CDK14: variants seen among roughly 807,000 people sequenced by gnomAD.
CDK14 encodes the protein cyclin dependent kinase 14, also known as cyclin-dependent kinase 14.
A neutral mutation model predicts 60.7 loss-of-function variants in CDK14; 34 were observed. The ratio of observed to expected loss-of-function variants is 0.56; its 90% confidence interval spans 0.43 to 0.75. CDK14 has a LOEUF of 0.75. Among genes scored for constraint, CDK14 ranks in the 30% least tolerant of loss-of-function variants. CDK14 has a pLI of 0.00. For missense variants in CDK14, 482 were observed against 564.1 expected, an observed-to-expected ratio of 0.85 and a Z score of 1.47; for synonymous variants, 197 against 203.7, an observed-to-expected ratio of 0.97 and a Z score of 0.28.
chr7:90,813,804 G>T (rs554365881), intron 5 of CDK14, among the ~76,000 whole-genome samples: 1 of 152,236 alleles, frequency 6.6e-6, no homozygotes, highest in South Asian at 2.1e-4. Flanking sequence ...AGGGTCCGAA[G>T]AATGTAAAAC....
At chr7:91,201,025 G>A (rs1802699533) in intron 14 of CDK14, among the ~76,000 whole-genome samples, 1 of 152,008 alleles carries the variant, frequency 6.6e-6, no homozygotes, top group Non-Finnish European at 1.5e-5. Context: ...TTATTACCTG[G>A]ATTATTTATT....
intron 6 of CDK14, among the ~76,000 whole-genome samples, chr7:90,880,141 G>T (rs375497987): frequency 1.3e-5 from 2 of 152,234 alleles, no homozygotes; most frequent in Admixed American, 1.3e-4. Context: ...GAGCTCCTTG[G>T]GGGAGGGACA....
intron 12 of CDK14, among the ~76,000 whole-genome samples, chr7:91,082,521 A>G (rs999836478): frequency 6.6e-6 from 1 of 152,240 alleles, no homozygotes; most frequent in Non-Finnish European, 1.5e-5. Flanking sequence ...TAAATTGTGT[A>G]GTAAATACAG....
At chr7:90,908,369 G>A (rs900149744) in intron 7 of CDK14, among the ~76,000 whole-genome samples, 3 of 151,840 alleles carry the variant, frequency 2.0e-5, no homozygotes, top group Non-Finnish European at 4.4e-5. Context: ...AAGAATTAAG[G>A]CCAGCTAATT....
At chr7:90,974,661 A>G (rs1347242442) in intron 9 of CDK14, among the ~76,000 whole-genome samples, 1 of 152,170 alleles carries the variant, frequency 6.6e-6, no homozygotes, top group African/African-American at 2.4e-5. Context: ...CTGCTTCCTC[A>G]TGTGATATAA....
intron 2 of CDK14, among the ~76,000 whole-genome samples, chr7:90,698,255 A>C (rs1057173073): frequency 6.6e-6 from 1 of 152,140 alleles, no homozygotes; most frequent in African/African-American, 2.4e-5. Context: ...AAGTGTTTAC[A>C]TGCTCATTTT....
intron 10 of CDK14, among the ~76,000 whole-genome samples, chr7:91,035,617 T>C (rs1350937888): frequency 2.3e-5 from 3 of 128,862 alleles, no homozygotes; most frequent in Non-Finnish European, 4.7e-5. Flanking sequence ...GGACCGTTTA[T>C]TTTTGTCCCT....
chr7:90,827,491 C>A (rs948380559), intron 5 of CDK14, among the ~76,000 whole-genome samples: 1 of 152,130 alleles, frequency 6.6e-6, no homozygotes, highest in African/African-American at 2.4e-5. Flanking sequence ...GCATTGAGAT[C>A]AAATAGACAC....
intron 8 of CDK14, among the ~76,000 whole-genome samples, chr7:90,938,934 T>A (rs1793832382): frequency 6.6e-6 from 1 of 152,216 alleles, no homozygotes; most frequent in Non-Finnish European, 1.5e-5. Context: ...TGATTTATTG[T>A]TTCGTACTTT....
At chr7:91,158,899 A>G (rs918595818) in intron 14 of CDK14, among the ~76,000 whole-genome samples, 2 of 152,206 alleles carry the variant, frequency 1.3e-5, no homozygotes, top group Non-Finnish European at 2.9e-5. Context: ...AGTGGGAATT[A>G]TGTTGTATTT....
intron 5 of CDK14, among the ~76,000 whole-genome samples, chr7:90,807,211 A>G (rs1356801522): frequency 6.6e-6 from 1 of 152,212 alleles, no homozygotes; most frequent in East Asian, 1.9e-4. Context: ...AGTGGGAGGC[A>G]CCACCCAGTA....
intron 8 of CDK14, among the ~76,000 whole-genome samples, chr7:90,933,668 C>G (rs561100739): frequency 6.6e-6 from 1 of 152,194 alleles, no homozygotes; most frequent in South Asian, 2.1e-4. Context: ...AGAGAAAGAC[C>G]TAAAGAATTA....
intron 2 of CDK14, among the ~76,000 whole-genome samples, chr7:90,628,053 C>T (rs1563021071): frequency 6.6e-6 from 1 of 152,178 alleles, no homozygotes; most frequent in Non-Finnish European, 1.5e-5. Context: ...CTCCCAGGGT[C>T]AAGTGATCCT....
chr7:91,025,639 C>T (rs1796547876), intron 10 of CDK14, among the ~76,000 whole-genome samples: 2 of 152,164 alleles, frequency 1.3e-5, no homozygotes, highest in South Asian at 4.2e-4. Context: ...AAGAAAGACA[C>T]AAGTGGCTCT....
intron 5 of CDK14, among the ~76,000 whole-genome samples, chr7:90,816,123 T>TA (rs1303581817): frequency 6.6e-6 from 1 of 152,134 alleles, no homozygotes; most frequent in East Asian, 1.9e-4. Context: ...TGAAAAGAGT[T>TA]AGAGATCACT....
At chr7:91,191,619 G>T (rs990453846) in intron 14 of CDK14, among the ~76,000 whole-genome samples, 12 of 150,960 alleles carry the variant, frequency 7.9e-5, no homozygotes, top group Admixed American at 4.6e-4. Context: ...GTGTTCAGAT[G>T]GGGGGGTGGG....
At chr7:90,719,146 T>G (rs1470680691) in intron 2 of CDK14, among the ~76,000 whole-genome samples, 1 of 152,148 alleles carries the variant, frequency 6.6e-6, no homozygotes, top group East Asian at 1.9e-4. Context: ...AGATTTTTGC[T>G]TATTTCATAG....
chr7:90,801,905 A>C (rs1253589221), intron 5 of CDK14, among the ~76,000 whole-genome samples: 1 of 152,166 alleles, frequency 6.6e-6, no homozygotes, highest in African/African-American at 2.4e-5. Context: ...TCACCTTCCC[A>C]GTGGAGAGAG....
intron 5 of CDK14, among the ~76,000 whole-genome samples, chr7:90,838,490 T>C (rs1790186354): frequency 6.6e-6 from 1 of 152,158 alleles, no homozygotes; most frequent in Non-Finnish European, 1.5e-5. Flanking sequence ...TCAGGCAGAA[T>C]AGAGCCATAT....
Sources: allele counts gnomAD v4.1 joint callset (sites outside exome capture counted in the v4.1 genomes callset), GRCh38; gene constraint gnomAD v4.1.1; transcripts MANE v1.5; gene names NCBI Gene and HGNC (gene_info 2026-07-23, HGNC 2026-07-21).